The following ARL6IP6 variants were observed in gnomAD, a reference collection of about 807,000 sequenced individuals.
ARL6IP6 encodes ARF like GTPase 6 interacting protein 6, also known as ADP-ribosylation factor-like protein 6-interacting protein 6.
In ARL6IP6, 22 loss-of-function variants were observed where a neutral mutation model predicts 21.5. The ratio of observed to expected loss-of-function variants is 1.02; its 90% CI spans 0.73 to 1.46. ARL6IP6 has a LOEUF of 1.46. Ranked by LOEUF, ARL6IP6 falls within the 40% of genes most tolerant of loss-of-function variation. ARL6IP6 has a pLI of 0.00. For missense variants in ARL6IP6, 388 were observed against 299.8 expected (o/e 1.29, Z -2.17); for synonymous variants, 164 against 125.3 (o/e 1.31, Z -2.06).
chr2:152,752,508 C>G (rs1701385275), intron 3 of ARL6IP6, among the ~76,000 whole-genome samples: 1 of 152,210 alleles, frequency 6.6e-6, no homozygotes. Flanking sequence ...GAACAAAATA[C>G]ATGAACGAAG....
intron 3 of ARL6IP6, among the ~76,000 whole-genome samples, chr2:152,748,670 C>A (rs551385412): frequency 6.6e-6 from 1 of 152,316 alleles, no homozygotes; most frequent in South Asian, 2.1e-4. Context: ...CTTATTCTGG[C>A]AAGCACAGAG....
chr2:152,729,570 T>G (rs903667149), intron 2 of ARL6IP6, among the ~76,000 whole-genome samples: 1 of 151,144 alleles, frequency 6.6e-6, no homozygotes, highest in Non-Finnish European at 1.5e-5. Flanking sequence ...AAGCTAGAAT[T>G]AAAAAAAAAC....
chr2:152,741,437 C>A (rs1574048126), intron 3 of ARL6IP6, among the ~76,000 whole-genome samples: 1 of 150,644 alleles, frequency 6.6e-6, no homozygotes, highest in Admixed American at 6.6e-5. Context: ...GTGGGAAAAC[C>A]ATTTGAGAAG....
At chr2:152,740,367 G>A (rs931224414) in intron 3 of ARL6IP6, among the ~76,000 whole-genome samples, 3 of 152,124 alleles carry the variant, frequency 2.0e-5, no homozygotes, top group Middle Eastern at 3.2e-3. Flanking sequence ...TCAAAGTGCT[G>A]GGATTACAGG....
intron 3 of ARL6IP6, among the ~76,000 whole-genome samples, chr2:152,746,583 T>C (rs1701057013): frequency 6.6e-6 from 1 of 152,150 alleles, no homozygotes; most frequent in Non-Finnish European, 1.5e-5. Flanking sequence ...GCAAGTCAGT[T>C]AGTATATCCA....
intron 3 of ARL6IP6, among the ~76,000 whole-genome samples, chr2:152,757,772 T>C (rs1396863717): frequency 6.6e-6 from 1 of 152,196 alleles, no homozygotes; most frequent in Non-Finnish European, 1.5e-5. Context: ...TATGGTACAT[T>C]TGAGATGACA....
In ARL6IP6 at chr2:152,761,161, A is replaced by C. The variant is rs1453397269; in HGVS notation, c.*1321A>C. ...TACTGAATGTTGTTACCGACTAAAC[A>C]AGGTTTCTAAAAGTCTCGCATTTCT... On this transcript the variant is annotated 3_prime_UTR_variant, in exon 4 of 4. Coordinates refer to ENST00000326446, the MANE Select transcript of ARL6IP6 (RefSeq NM_152522.7). 1 of 152,204 alleles carries C rather than the reference A, an allele frequency of 6.6e-6. No homozygotes were observed. The highest frequency in any genetic ancestry group is 1.9e-4 in the East Asian group (1 of 5,204). 9.4% of individuals were successfully genotyped at this position (152,204 alleles called of 1,614,324 possible).
At chr2:152,717,678 T>C, upstream of ARL6IP6, 4 of 1,378,136 alleles carry the variant, frequency 2.9e-6, no homozygotes, top group Non-Finnish European at 3.8e-6. Context: ...CGCCGAGTCC[T>C]CCGTCGGGAA....
intron 2 of ARL6IP6, among the ~76,000 whole-genome samples, chr2:152,731,818 T>C (rs948795824): frequency 2.0e-5 from 3 of 152,148 alleles, no homozygotes; most frequent in Non-Finnish European, 1.5e-5. Flanking sequence ...AATATACATT[T>C]CTTCATATAT....
chr2:152,721,470 A>G (rs1699787793), intron 2 of ARL6IP6, among the ~76,000 whole-genome samples: 1 of 152,078 alleles, frequency 6.6e-6, no homozygotes, highest in Non-Finnish European at 1.5e-5. Context: ...GAAAAAGGTT[A>G]TTCTATATTT....
At chr2:152,757,691 G>C (rs1701651689) in intron 3 of ARL6IP6, among the ~76,000 whole-genome samples, 1 of 152,174 alleles carries the variant, frequency 6.6e-6, no homozygotes, top group South Asian at 2.1e-4. Flanking sequence ...TAAAGCAAGT[G>C]ATTCTTCAAA....
chr2:152,727,629 A>T (rs1700104956), intron 2 of ARL6IP6, among the ~76,000 whole-genome samples: 1 of 152,122 alleles, frequency 6.6e-6, no homozygotes, highest in Non-Finnish European at 1.5e-5. Flanking sequence ...CTGTATTTTT[A>T]CTGTACCTTT....
At chr2:152,729,142 C>T (rs940020799) in intron 2 of ARL6IP6, among the ~76,000 whole-genome samples, 2 of 152,040 alleles carry the variant, frequency 1.3e-5, no homozygotes, top group African/African-American at 2.4e-5. Context: ...GAGGCTGAGG[C>T]GGGTGGAACA....
rs369617820 is a variant in ARL6IP6, at chr2:152,748,138, A to AT, written c.588-11603dup. On this transcript the variant is annotated intron_variant, in intron 3 of 3. Coordinates refer to ENST00000326446, the MANE Select transcript of ARL6IP6 (RefSeq NM_152522.7). ...AGTAAGAGGCAAAGTCATGTGTGTT[A>AT]TTTTTTCCTTAAGGAGAGACATAGC... is the stretch of plus-strand genomic sequence containing the variant. 4.8e-3 allele frequency among the ~76,000 whole-genome samples: 724 copies of AT among 152,264 alleles called. 4 individuals are homozygous for AT. The highest frequency in any genetic ancestry group is 0.016 in the African/African-American group (673 of 41,544).
chr2:152,743,852 G>C (rs1203391654), intron 3 of ARL6IP6, among the ~76,000 whole-genome samples: 2 of 152,134 alleles, frequency 1.3e-5, no homozygotes, highest in Admixed American at 6.5e-5. Context: ...TTGGATTGTT[G>C]AATCATCCAG....
rs1261783228 is a variant in ARL6IP6, at chr2:152,759,817, A to T, written c.658A>T (p.Thr220Ser). The change falls in exon 4 of 4, where the codon ACT becomes TCT. Residue 220 changes from threonine (T) to serine (S), a missense_variant. Physicochemically the swap from Thr to Ser is moderately conservative, Grantham distance 58. Transcript: ENST00000326446. Reference sequence around the variant, plus strand: ...TTTGAATGGCATCGTAGCTGCTCTTACTGTAGCATGGTGCCTCATGTAAAC... The same window carrying T: ...TTTGAATGGCATCGTAGCTGCTCTTTCTGTAGCATGGTGCCTCATGTAAAC... Reference protein sequence around the residue: ...AILNGIVAALTVAWCLM With the variant: ...AILNGIVAALSVAWCLM 3 of 1,613,330 alleles carry T rather than the reference A, an allele frequency of 1.9e-6. No individual in the cohort carries two copies.
At chr2:152,756,533 A>T (rs777139546) in intron 3 of ARL6IP6, among the ~76,000 whole-genome samples, 1 of 152,176 alleles carries the variant, frequency 6.6e-6, no homozygotes, top group Non-Finnish European at 1.5e-5. Context: ...GTAAAAAAAG[A>T]CACACCATAA....
intron 1 of ARL6IP6, chr2:152,720,006 T>C (rs1574006832): frequency 2.2e-6 from 1 of 456,504 alleles, no homozygotes. Flanking sequence ...CATAAAATGG[T>C]AAACTGAATG....
At position 152,735,087 on chromosome 2, in the gene ARL6IP6, G is replaced by A; in HGVS notation, c.548G>A (p.Gly183Glu). Residue 183 changes from glycine (G) to glutamate (E), a missense_variant, in exon 3 of 4, where the codon GGA becomes GAA. By Grantham distance (98) the Gly-to-Glu change is moderately conservative. Transcript: ENST00000326446. ...TVTYFDSFEP[G>E]MFPPTPLSPA... Reference sequence around the variant, plus strand: ...ACTTACTTTGATTCTTTTGAACCAGGAATGTTTCCTCCTACTCCTCTTTCA... The same window carrying A: ...ACTTACTTTGATTCTTTTGAACCAGAAATGTTTCCTCCTACTCCTCTTTCA... The A allele has an allele frequency of 6.2e-7, 1 of 1,613,794 alleles. No individual in the cohort carries two copies. The highest frequency in any genetic ancestry group is 8.5e-7 in the Non-Finnish European group (1 of 1,179,812).
Sources: allele counts gnomAD v4.1 joint callset (sites outside exome capture counted in the v4.1 genomes callset), GRCh38; gene constraint gnomAD v4.1.1; transcripts MANE v1.5; gene names NCBI Gene and HGNC (gene_info 2026-07-23, HGNC 2026-07-21).